The following VPS28 variants were observed in gnomAD, a reference collection of about 807,000 sequenced individuals.
VPS28 encodes VPS28 subunit of ESCRT-I, also known as vacuolar protein sorting-associated protein 28 homolog.
Under a neutral mutation model 33.7 loss-of-function variants are expected in VPS28, and 29 were observed. The observed-to-expected ratio is 0.86, with a 90% CI of 0.64 to 1.17. VPS28 has a LOEUF of 1.17. Ranked by LOEUF, VPS28 falls within the 50% of genes most tolerant of loss-of-function variation. The pLI is 0.00. For missense variants in VPS28, 247 were observed against 312.2 expected (o/e 0.79, Z 1.57); for synonymous variants, 164 against 116.7 (o/e 1.40, Z -2.61).
At chr8:144,427,173 G>C (rs80341356) in intron 1 of VPS28, 194 bp from the exon 2 acceptor site, 1 of 413,622 alleles carries the variant, frequency 2.4e-6, no homozygotes, top group Non-Finnish European at 4.5e-6. Flanking sequence ...GTGGCATACG[G>C]TTGTAATCCC....
intron 2 of VPS28, chr8:144,426,691 G>T: frequency 1.8e-6 from 1 of 560,942 alleles, no homozygotes; most frequent in Non-Finnish European, 3.2e-6. Context: ...TGGCCACACC[G>T]AAGCTCATCA....
At chr8:144,425,427 G>A (rs1357467593) in intron 5 of VPS28, 21 of 577,902 alleles carry the variant, frequency 3.6e-5, no homozygotes, top group Middle Eastern at 4.6e-4. Context: ...CCTCTCGACC[G>A]TTTTTTAAGG....
intron 2 of VPS28, 177 bp from the exon 3 acceptor site, chr8:144,426,385 CTGA>C (rs1190340067): frequency 1.3e-6 from 1 of 779,282 alleles, no homozygotes; most frequent in African/African-American, 1.8e-5. Context: ...GTGGGGGGAC[CTGA>C]TGATAACACC....
rs371654384 is a variant in VPS28 at position 144,425,845 on chromosome 8, C to A, written c.105-73G>T. Reference sequence around the variant, plus strand: ...AGAGCCCAGAGTGCTACCCCCTGCCCGGAGGTGCCACTGCGGGCGCTCTGC... The same window carrying A: ...AGAGCCCAGAGTGCTACCCCCTGCCAGGAGGTGCCACTGCGGGCGCTCTGC... On this transcript the variant is annotated intron_variant, in intron 4 of 9. Transcript: ENST00000292510. 2.9e-4 allele frequency: 461 copies of A among 1,598,688 alleles called. 1 individual carries two copies. The highest frequency in any genetic ancestry group is 3.8e-4 in the Non-Finnish European group (440 of 1,170,160).
intron 2 of VPS28, 51 bp from the exon 3 acceptor site, chr8:144,426,259 G>C (rs1442484058): frequency 5.8e-6 from 9 of 1,544,532 alleles, no homozygotes; most frequent in Non-Finnish European, 7.9e-6. Context: ...GGAACCCAAG[G>C]GCAGACTCCA....
At chr8:144,424,012 G>A (rs1554875895) in intron 9 of VPS28, 29 bp downstream of exon 9, 1 of 1,600,138 alleles carries the variant, frequency 6.2e-7, no homozygotes, top group Non-Finnish European at 8.5e-7. Flanking sequence ...GGCACTGCGG[G>A]GCTCTGCCTG....
At position 144,424,702 on chromosome 8, in the gene VPS28, G is replaced by T. The variant is rs376098837; in HGVS notation, c.402+16C>A. On this transcript the variant is annotated intron_variant, in intron 7 of 9. Coordinates refer to ENST00000292510, the MANE Select transcript of VPS28 (RefSeq NM_016208.4). ...CTCGGCTCTCCTAACCACGTGCCCT[G>T]GGGGCTGGGGCGCACCGAGACCACG... 6.2e-7 allele frequency: 1 copy of T among 1,608,364 alleles called. No homozygotes were observed. The highest frequency in any genetic ancestry group is 8.5e-7 in the Non-Finnish European group (1 of 1,179,614).
chr8:144,424,437 C>G, intron 7 of VPS28, 169 bp from the exon 8 acceptor site: 1 of 962,250 alleles, frequency 1.0e-6, no homozygotes, highest in South Asian at 1.7e-5. Flanking sequence ...GCTGCCCAGA[C>G]AGCTGTGTGG....
chr8:144,427,813 G>A (rs1185916031), intron 1 of VPS28, among the ~76,000 whole-genome samples: 1 of 152,232 alleles, frequency 6.6e-6, no homozygotes, highest in East Asian at 1.9e-4. Flanking sequence ...CGTCAGATCC[G>A]CCGAGGGATT....
In VPS28 at chr8:144,424,984, C is replaced by T. The variant is rs1554876332; in HGVS notation, c.262G>A (p.Glu88Lys). 1.9e-6 allele frequency: 3 copies of T among 1,560,780 alleles called. No homozygotes were observed. Among genetic ancestry groups the T allele is most frequent in the Non-Finnish European group, 2.6e-6 (3 of 1,151,550 alleles). The change falls in exon 6 of 10, where the codon GAA becomes AAA. Residue 88 changes from glutamate (E) to lysine (K), a missense_variant. Physicochemically the swap from Glu to Lys is moderately conservative, Grantham distance 56 (BLOSUM62 1). Coordinates refer to ENST00000292510, the MANE Select transcript of VPS28 (RefSeq NM_016208.4). ...CAGAATTCGTCAATAGAGCTGATTT[C>T]TGAGCCCTGGACCTGCCTGAAGGCA... ...KAAFRQVQGS[E>K]ISSIDEFCRK...
At chr8:144,427,181 C>G (rs1020153968) in intron 1 of VPS28, 17 of 392,646 alleles carry the variant, frequency 4.3e-5, no homozygotes, top group Middle Eastern at 7.5e-4. Flanking sequence ...CGGTTGTAAT[C>G]CCAGCTACTC....
At chr8:144,428,222 G>T (rs1314856904) in intron 1 of VPS28, among the ~76,000 whole-genome samples, 8 of 152,240 alleles carry the variant, frequency 5.3e-5, no homozygotes, top group African/African-American at 1.9e-4. Context: ...GCAGGAGAGC[G>T]CCGAGGAGCC....
rs374952952 is a variant in VPS28, at chr8:144,425,055, G to C, written c.195-4C>G. ...CCGGGAGCAGGCTGCAGTGTACCTA[G>C]GGAGAGGTCAGCTGCTGCCCAAGCA... On this transcript the variant is annotated splice_polypyrimidine_tract_variant and splice_region_variant and intron_variant, in intron 5 of 9. Transcript: ENST00000292510. The C allele has an allele frequency of 1.7e-4, 261 of 1,551,042 alleles. No individual in the cohort carries two copies. The highest frequency in any genetic ancestry group is 2.2e-4 in the Non-Finnish European group (251 of 1,146,694).
At chr8:144,424,682 C>A in intron 7 of VPS28, 36 bp downstream of exon 7, 1 of 1,603,758 alleles carries the variant, frequency 6.2e-7, no homozygotes, top group Non-Finnish European at 8.5e-7. Context: ...GCAGCCTCGG[C>A]TCTCCTAACC....
intron 7 of VPS28, 167 bp downstream of exon 7, chr8:144,424,551 G>T: frequency 2.3e-6 from 2 of 859,804 alleles, no homozygotes; most frequent in South Asian, 3.4e-5. Flanking sequence ...TGGCCTGGGG[G>T]CGTCCCCGCA....
At position 144,425,784 on chromosome 8, in the gene VPS28, CCTGT is replaced by C. The variant is rs1822690007; in HGVS notation, c.105-16_105-13del. 11 of 1,613,652 alleles carry C rather than the reference CCTGT, an allele frequency of 6.8e-6. No homozygotes were observed. Among genetic ancestry groups the C allele is most frequent in the East Asian group, 2.2e-5 (1 of 44,896 alleles). ...CCATGTTGTCGTACCTGAGGACACA[CCTGT>C]CTATCGGGCCAGGCCCCGGGGTGCC... On this transcript the variant is annotated splice_polypyrimidine_tract_variant and intron_variant, in intron 4 of 9. Transcript: ENST00000292510.
At chr8:144,426,261 C>A in intron 2 of VPS28, 53 bp from the exon 3 acceptor site, 3 of 1,540,202 alleles carry the variant, frequency 1.9e-6, no homozygotes, top group Non-Finnish European at 2.6e-6. Flanking sequence ...AACCCAAGGG[C>A]AGACTCCAGT....
chr8:144,425,805 C>G lies in VPS28; in HGVS notation c.105-33G>C, dbSNP rs376212363. ...CACACCTGTCTATCGGGCCAGGCCC[C>G]GGGGTGCCAAGCCTAGAGCCCAGAG... On this transcript the variant is annotated intron_variant, in intron 4 of 9. Coordinates refer to ENST00000292510, the MANE Select transcript of VPS28 (RefSeq NM_016208.4). The G allele has an allele frequency of 1.9e-5, 30 of 1,613,006 alleles. No individual in the cohort carries two copies. In the South Asian group the frequency reaches 3.3e-4, roughly 18 times the overall value.
chr8:144,423,910 C>G lies in VPS28; in HGVS notation c.561G>C (p.Leu187=). The G allele has an allele frequency of 6.2e-7, 1 of 1,613,144 alleles. No individual in the cohort carries two copies. Among genetic ancestry groups the G allele is most frequent in the South Asian group, 1.1e-5 (1 of 91,090 alleles). Residue 187 remains leucine, a synonymous_variant, in exon 10 of 10, where the codon CTG becomes CTC. Coordinates refer to ENST00000292510, the MANE Select transcript of VPS28 (RefSeq NM_016208.4). ...GCTCATCTGACGCCGACATGCCGCT[C>G]AGGGTCTGCAGCCTGGGAGTGCAGC... is the stretch of plus-strand genomic sequence containing the variant. ...RQTVSQWLQT[L]SGMSASDELD... is the part of the protein sequence containing the mutation.
Sources: allele counts gnomAD v4.1 joint callset (sites outside exome capture counted in the v4.1 genomes callset), GRCh38; gene constraint gnomAD v4.1.1; transcripts MANE v1.5; gene names NCBI Gene and HGNC (gene_info 2026-07-23, HGNC 2026-07-21).